MBD5: variants seen among roughly 807,000 people sequenced by gnomAD.
MBD5 encodes the protein methyl-CpG binding domain protein 5.
MBD5 carries 13 observed loss-of-function variants against 117.3 expected under a neutral mutation model. The observed-to-expected ratio is 0.11, with a 90% CI of 0.07 to 0.18. The LOEUF is 0.18. MBD5 is among the 10% of genes least tolerant of loss of function. MBD5 has a pLI of 1.00. For synonymous variants in MBD5, 727 were observed against 766.4 expected (o/e 0.95, Z 0.85); for missense variants, 1,879 against 2,093.8 (o/e 0.90, Z 2.00).
intron 1 of MBD5, among the ~76,000 whole-genome samples, chr2:148,145,176 T>A (rs557572224): frequency 6.4e-4 from 98 of 152,298 alleles, no homozygotes; most frequent in African/African-American, 2.3e-3. Context: ...CCCTTGTAGG[T>A]TGGATTCCTA....
chr2:148,421,849 A>C (rs1705618214), intron 4 of MBD5, among the ~76,000 whole-genome samples: 1 of 152,228 alleles, frequency 6.6e-6, no homozygotes, highest in Non-Finnish European at 1.5e-5. Flanking sequence ...ACCACAGCTC[A>C]GCAAGGCTGC....
chr2:148,149,160 A>G (rs569032586), intron 1 of MBD5, among the ~76,000 whole-genome samples: 107 of 145,646 alleles, frequency 7.3e-4, no homozygotes, highest in African/African-American at 2.4e-3. Context: ...TCATTGTTCA[A>G]TTCCCACCTA....
At chr2:148,465,955 T>C (rs1707247792) in intron 7 of MBD5, among the ~76,000 whole-genome samples, 1 of 152,154 alleles carries the variant, frequency 6.6e-6, no homozygotes, top group Non-Finnish European at 1.5e-5. Flanking sequence ...ATCTCACTTC[T>C]TTGTCATACC....
intron 3 of MBD5, among the ~76,000 whole-genome samples, chr2:148,324,774 C>G (rs1216880445): frequency 6.6e-6 from 1 of 152,138 alleles, no homozygotes; most frequent in Non-Finnish European, 1.5e-5. Flanking sequence ...ATCATGTCAT[C>G]TGCAAACAGG....
intron 4 of MBD5, among the ~76,000 whole-genome samples, chr2:148,433,933 C>CTT (rs61171923): frequency 0.027 from 3,878 of 145,384 alleles, 74 homozygotes; most frequent in Non-Finnish European, 0.045. Flanking sequence ...TTTCATTTTT[C>CTT]TTTTTTTTTT....
intron 5 of MBD5, among the ~76,000 whole-genome samples, chr2:148,459,161 ACTG>A (rs1186021777): frequency 6.6e-6 from 1 of 152,180 alleles, no homozygotes; most frequent in Non-Finnish European, 1.5e-5. Flanking sequence ...AATGTAAAAT[ACTG>A]GGAATATCAC....
At chr2:148,386,060 T>C (rs1417656008) in intron 4 of MBD5, among the ~76,000 whole-genome samples, 1 of 151,408 alleles carries the variant, frequency 6.6e-6, no homozygotes, top group African/African-American at 2.4e-5. Flanking sequence ...TGTATACATA[T>C]GTAACAAACC....
At chr2:148,180,875 C>G (rs1336114493) in intron 2 of MBD5, among the ~76,000 whole-genome samples, 4 of 152,082 alleles carry the variant, frequency 2.6e-5, no homozygotes, top group Non-Finnish European at 5.9e-5. Context: ...TTATGATATT[C>G]TAAAATAATA....
chr2:148,135,006 A>G (rs1697139654), intron 1 of MBD5, among the ~76,000 whole-genome samples: 2 of 152,172 alleles, frequency 1.3e-5, no homozygotes, highest in African/African-American at 2.4e-5. Flanking sequence ...ATGAATGATA[A>G]CTTACTTGGT....
chr2:148,467,836 T>C (rs976514320), intron 7 of MBD5, among the ~76,000 whole-genome samples: 11 of 152,190 alleles, frequency 7.2e-5, no homozygotes, highest in African/African-American at 2.4e-4. Context: ...CATTTTGTTA[T>C]AAGGGTGAAC....
At chr2:148,328,225 G>A (rs1462769816) in intron 3 of MBD5, among the ~76,000 whole-genome samples, 1 of 152,214 alleles carries the variant, frequency 6.6e-6, no homozygotes, top group Non-Finnish European at 1.5e-5. Flanking sequence ...CGTACTGGGA[G>A]GACCACTGCT....
At chr2:148,131,861 G>T (rs1342003644) in intron 1 of MBD5, among the ~76,000 whole-genome samples, 1 of 152,114 alleles carries the variant, frequency 6.6e-6, no homozygotes, top group Admixed American at 6.5e-5. Context: ...AGATGAGTGG[G>T]ATGTTATCAT....
intron 2 of MBD5, among the ~76,000 whole-genome samples, chr2:148,212,930 G>C (rs1477878445): frequency 6.6e-6 from 1 of 151,990 alleles, no homozygotes; most frequent in Non-Finnish European, 1.5e-5. Context: ...CTTATTAATA[G>C]TTCCTATTTG....
At chr2:148,097,087 CTTA>C (rs1164210514) in intron 1 of MBD5, among the ~76,000 whole-genome samples, 1 of 151,958 alleles carries the variant, frequency 6.6e-6, no homozygotes, top group Non-Finnish European at 1.5e-5. Flanking sequence ...ATATTATATA[CTTA>C]TTATAACTGA....
intron 7 of MBD5, among the ~76,000 whole-genome samples, chr2:148,464,990 T>C (rs1176121101): frequency 6.6e-6 from 1 of 151,186 alleles, no homozygotes; most frequent in Non-Finnish European, 1.5e-5. Context: ...AAAAAAGAAG[T>C]CAGTCTTTTT....
intron 4 of MBD5, among the ~76,000 whole-genome samples, chr2:148,391,289 A>G (rs1704563639): frequency 6.6e-6 from 1 of 152,214 alleles, no homozygotes; most frequent in Non-Finnish European, 1.5e-5. Flanking sequence ...TACTGGGAAA[A>G]TATACAGCTA....
intron 1 of MBD5, among the ~76,000 whole-genome samples, chr2:148,105,650 T>C (rs955361394): frequency 2.6e-5 from 4 of 152,168 alleles, no homozygotes; most frequent in African/African-American, 9.6e-5. Context: ...CGCTTTTAGC[T>C]TTCTTGTCAG....
At chr2:148,081,093 G>A (rs1198585510) in intron 1 of MBD5, among the ~76,000 whole-genome samples, 1 of 152,100 alleles carries the variant, frequency 6.6e-6, no homozygotes, top group Non-Finnish European at 1.5e-5. Context: ...GTATATTTCA[G>A]CATAAGAACC....
intron 1 of MBD5, chr2:148,028,473 A>T (rs1166223134): frequency 2.0e-5 from 3 of 152,084 alleles, no homozygotes; most frequent in South Asian, 2.1e-4. Flanking sequence ...GTGCTAAATT[A>T]TACTTAGGGT....
Sources: gnomAD v4.1 joint callset for allele counts (sites outside exome capture counted in the v4.1 genomes callset) on GRCh38, gnomAD v4.1.1 for gene constraint, MANE v1.5 for transcripts, NCBI Gene and HGNC (gene_info 2026-07-23, HGNC 2026-07-21) for gene names.